Variants in DPP6 observed in about 807,000 individuals in gnomAD.
DPP6 encodes dipeptidyl peptidase like 6.
In DPP6, 69 loss-of-function variants were observed where a neutral mutation model predicts 122.6. The observed-to-expected ratio is 0.56, with a 90% CI of 0.46 to 0.69. The LOEUF (loss-of-function observed/expected upper bound fraction) is 0.69. DPP6 is among the 30% of genes least tolerant of loss of function. The probability of loss-of-function intolerance (pLI) is 0.00; values close to 1 mark genes in which losing one functional copy is unlikely to be tolerated. For synonymous variants in DPP6, 418 were observed against 433.1 expected, an observed-to-expected ratio of 0.97 and a Z score of 0.43; for missense variants, 928 against 1,116.9, an observed-to-expected ratio of 0.83 and a Z score of 2.41.
At chr7:153,770,251 T>A in the DPP6 span, among the ~76,000 whole-genome samples, 1 of 152,024 alleles carries the variant, frequency 6.6e-6, no homozygotes, top group African/African-American at 2.4e-5. Flanking sequence ...GGAAAACTCA[T>A]CTATCCCAGA....
rs752277890 is a variant in DPP6 at position 154,502,345 on chromosome 7, T to A, written c.457+27308T>A. ...CATGAGATTTGGGAGGGGCTAGGGG[T>A]GGAATGATATGATTTGGCTCTGTCC... On this transcript the variant is annotated intron_variant, in intron 3 of 25. Transcript: ENST00000377770. Among the ~76,000 whole-genome samples, 9 of 151,970 alleles carry A rather than the reference T, an allele frequency of 5.9e-5. No individual in the cohort carries two copies. The South Asian group carries it at 8.3e-4, about 14-fold the overall frequency.
intron 1 of DPP6, among the ~76,000 whole-genome samples, chr7:153,906,866 C>A (rs1046202005): frequency 7.9e-5 from 12 of 152,298 alleles, no homozygotes; most frequent in African/African-American, 2.9e-4. Flanking sequence ...AGTATTCCAT[C>A]GTGTATACGT....
At chr7:154,204,532 G>A (rs1799333030) in intron 1 of DPP6, among the ~76,000 whole-genome samples, 2 of 152,212 alleles carry the variant, frequency 1.3e-5, no homozygotes, top group Middle Eastern at 3.4e-3. Context: ...ATCATCATCG[G>A]CCTCCTCTCC....
At chr7:154,665,022 T>A (rs1165333723) in intron 6 of DPP6, among the ~76,000 whole-genome samples, 1 of 152,160 alleles carries the variant, frequency 6.6e-6, no homozygotes, top group African/African-American at 2.4e-5. Flanking sequence ...CATGCTGCCT[T>A]TAGATGTTCT....
At chr7:154,634,970 A>G (rs1359284977) in intron 5 of DPP6, among the ~76,000 whole-genome samples, 3 of 152,130 alleles carry the variant, frequency 2.0e-5, no homozygotes, top group African/African-American at 7.2e-5. Flanking sequence ...AGCTATTCTT[A>G]CTTTGCATAT....
the DPP6 span, among the ~76,000 whole-genome samples, chr7:153,809,577 T>G: frequency 5.3e-5 from 8 of 152,186 alleles, no homozygotes; most frequent in Non-Finnish European, 1.0e-4. Flanking sequence ...AATGTTTGAG[T>G]TGGAGGAGCT....
At chr7:154,327,884 C>A (rs1808586721) in intron 1 of DPP6, among the ~76,000 whole-genome samples, 1 of 152,128 alleles carries the variant, frequency 6.6e-6, no homozygotes, top group African/African-American at 2.4e-5. Flanking sequence ...CTCATTTGCC[C>A]AGGCTATTAC....
intron 1 of DPP6, among the ~76,000 whole-genome samples, chr7:153,958,580 T>G (rs1795188858): frequency 6.6e-6 from 1 of 152,254 alleles, no homozygotes; most frequent in South Asian, 2.1e-4. Context: ...TTGCATATAC[T>G]GGGTACACTG....
Position 154,825,076 on chromosome 7 carries a change from C to T in DPP6, c.1666+17964C>T, listed in dbSNP as rs1800054281. 2.6e-5 allele frequency among the ~76,000 whole-genome samples: 4 copies of T among 152,282 alleles called. No homozygotes were observed. In the South Asian group the frequency reaches 8.3e-4, roughly 32 times the overall value. On this transcript the variant is annotated intron_variant, in intron 16 of 25. Transcript: ENST00000377770. ...AAATATTTCTTTTGGCGAAATGAAA[C>T]ACCTGCAGGCCACATCTGGTCCGCA...
intron 1 of DPP6, among the ~76,000 whole-genome samples, chr7:154,317,923 C>T (rs1334699155): frequency 6.6e-6 from 1 of 152,138 alleles, no homozygotes; most frequent in South Asian, 2.1e-4. Context: ...GTATATTTTG[C>T]GAACCTCATG....
chr7:154,280,684 A>G (rs1804443487), intron 1 of DPP6, among the ~76,000 whole-genome samples: 1 of 152,244 alleles, frequency 6.6e-6, no homozygotes, highest in Non-Finnish European at 1.5e-5. Flanking sequence ...TTTGCAGGCT[A>G]AAACATCACT....
intron 5 of DPP6, among the ~76,000 whole-genome samples, chr7:154,592,987 G>A (rs7455081): frequency 0.35 from 53,419 of 151,986 alleles, 10,611 homozygotes; most frequent in Non-Finnish European, 0.46. Context: ...CCTTGCAGGC[G>A]TCACCCAGGC....
the DPP6 span, among the ~76,000 whole-genome samples, chr7:153,848,037 C>T: frequency 3.9e-5 from 6 of 152,272 alleles, no homozygotes; most frequent in East Asian, 5.8e-4. Context: ...ACTGGTCAAG[C>T]GACGGATGAA....
intron 8 of DPP6, among the ~76,000 whole-genome samples, chr7:154,763,877 C>T (rs1300174332): frequency 6.6e-6 from 1 of 152,208 alleles, no homozygotes; most frequent in Non-Finnish European, 1.5e-5. Context: ...GACTTTAAGT[C>T]TGCCTCACTC....
At position 154,769,432 on chromosome 7, in the gene DPP6, C is replaced by G. The variant is rs1796102180; in HGVS notation, c.899C>G (p.Thr300Arg). 1 of 1,613,566 alleles carries G rather than the reference C, an allele frequency of 6.2e-7. No individual in the cohort carries two copies. The highest frequency in any genetic ancestry group is 1.1e-5 in the South Asian group (1 of 91,044). Residue 300 changes from threonine (T) to arginine (R), a missense_variant, in exon 9 of 26, where the codon ACA becomes AGA. By Grantham distance (71) the Thr-to-Arg change is moderately conservative. Transcript: ENST00000377770. ...DWLYEEEILKTHIAHWWSPDG... is the reference protein window; with the variant it reads ...DWLYEEEILKRHIAHWWSPDG... Reference sequence around the variant, plus strand: ...TTTCCCTTAGAGGAGATTTTGAAGACACACATCGCACACTGGTGGTCTCCG... The same window carrying G: ...TTTCCCTTAGAGGAGATTTTGAAGAGACACATCGCACACTGGTGGTCTCCG...
intron 1 of DPP6, among the ~76,000 whole-genome samples, chr7:154,182,233 A>G (rs1798127028): frequency 6.6e-6 from 1 of 152,174 alleles, no homozygotes; most frequent in Non-Finnish European, 1.5e-5. Flanking sequence ...TGGATTGCTA[A>G]GGGGGACAGA....
rs556106753 is a variant in DPP6 at position 154,319,927 on chromosome 7, G to A, written c.244-126287G>A. Among the ~76,000 whole-genome samples, 10 of 151,010 alleles carry A rather than the reference G, an allele frequency of 6.6e-5. No individual in the cohort carries two copies. The East Asian group carries it at 1.8e-3, about 27-fold the overall frequency. On this transcript the variant is annotated intron_variant, in intron 1 of 25. Coordinates refer to ENST00000377770, the MANE Select transcript of DPP6 (RefSeq NM_130797.4). ...AATTGCTTGAACCCAGGAGGCGGAG[G>A]TTGCGGTGAGCCGAGATCACACCAC...
chr7:153,995,588 C>CAAAAAAAAAAAA (rs55905154), intron 1 of DPP6, among the ~76,000 whole-genome samples: 2 of 88,928 alleles, frequency 2.2e-5, no homozygotes, highest in Non-Finnish European at 4.0e-5. Context: ...GACTCCGTCT[C>CAAAAAAAAAAAA]AAAAAAAAAA....
chr7:154,161,203 T>C (rs564447757), intron 1 of DPP6, among the ~76,000 whole-genome samples: 40 of 152,400 alleles, frequency 2.6e-4, no homozygotes, highest in African/African-American at 9.6e-4. Context: ...ATGTTTAGGG[T>C]AACATGATTG....
Sources: gnomAD v4.1 joint callset for allele counts (sites outside exome capture counted in the v4.1 genomes callset) on GRCh38, gnomAD v4.1.1 for gene constraint, MANE v1.5 for transcripts, NCBI Gene and HGNC (gene_info 2026-07-23, HGNC 2026-07-21) for gene names.